CXCL13: variants seen among roughly 807,000 people sequenced by gnomAD.
CXCL13 encodes the protein C-X-C motif chemokine ligand 13, also known as C-X-C motif chemokine 13.
CXCL13 carries 7 observed loss-of-function variants against 12.2 expected under a neutral mutation model. The ratio of observed to expected loss-of-function variants is 0.57; its 90% CI spans 0.33 to 1.07. CXCL13 has a LOEUF of 1.07. Among genes scored for constraint, CXCL13 ranks in the 50% least tolerant of loss-of-function variants. CXCL13 has a pLI of 0.04. For missense variants in CXCL13, 113 were observed against 127.4 expected (o/e 0.89, Z 0.55); for synonymous variants, 47 against 42.4 (o/e 1.11, Z -0.42).
rs182931225 is a variant in CXCL13 at position 77,595,735 on chromosome 4, T to G, written c.-42-10089T>G. Among the ~76,000 whole-genome samples, 106 of 152,296 alleles carry G rather than the reference T, an allele frequency of 7.0e-4. 4 individuals are homozygous for G. The East Asian group carries it at 0.011, about 16-fold the overall frequency. On this transcript the variant is annotated intron_variant, in intron 1 of 4. Coordinates refer to the CXCL13 transcript ENST00000286758. ...GCGATTTTTTGCTCTAGCCTTCTTA[T>G]CAAAAGCATCACTGCTGTCCTGTGG... is the stretch of plus-strand genomic sequence containing the variant.
chr4:77,535,545 AG>A (rs1355978435), intron 1 of CXCL13, among the ~76,000 whole-genome samples: 1 of 152,230 alleles, frequency 6.6e-6, no homozygotes, highest in African/African-American at 2.4e-5. Flanking sequence ...CAGAGCTAAT[AG>A]CACATGTTGG....
intron 1 of CXCL13, among the ~76,000 whole-genome samples, chr4:77,606,134 T>C (rs1726998574): frequency 6.6e-6 from 1 of 152,230 alleles, no homozygotes. Context: ...TTTTTATTTA[T>C]AGCAAAAAGA....
At chr4:77,529,200 G>A (rs1362354378) in intron 1 of CXCL13, among the ~76,000 whole-genome samples, 6 of 152,026 alleles carry the variant, frequency 3.9e-5, no homozygotes, top group Non-Finnish European at 7.4e-5. Flanking sequence ...CATAGTTTGA[G>A]GTCAGGTAGC....
chr4:77,530,312 C>T (rs1026215335), intron 1 of CXCL13, among the ~76,000 whole-genome samples: 3 of 152,100 alleles, frequency 2.0e-5, no homozygotes, highest in African/African-American at 7.2e-5. Context: ...AGGAGGATTC[C>T]CTCTTTTTCT....
chr4:77,531,822 A>G (rs1242114331), intron 1 of CXCL13, among the ~76,000 whole-genome samples: 1 of 151,716 alleles, frequency 6.6e-6, no homozygotes, highest in Admixed American at 6.6e-5. Flanking sequence ...GTCTCTTTTG[A>G]TCTTTGTTGG....
At chr4:77,550,432 TGGGAGCTGTAGAC>T (rs942935097) in intron 1 of CXCL13, among the ~76,000 whole-genome samples, 3 of 152,164 alleles carry the variant, frequency 2.0e-5, no homozygotes, top group East Asian at 1.9e-4. Flanking sequence ...TCACTCCTGC[TGGGAGCTGTAGAC>T]GGGAGCTGTA....
chr4:77,611,751 C>A lies in CXCL13; in HGVS notation c.*712C>A, dbSNP rs754861421. 3.3e-5 allele frequency: 13 copies of A among 391,926 alleles called. No homozygotes were observed. The highest frequency in any genetic ancestry group is 1.8e-5 in the Non-Finnish European group (4 of 225,630). The allele number at this position is 391,926 out of a possible 1,614,324, so 24.3% of individuals were successfully genotyped here. ...CTGACTTTTTTTGTGGGGGGCGGGG[C>A]CGGGGGGACTCTGGTATCTAATTCT... On this transcript the variant is annotated 3_prime_UTR_variant, in exon 4 of 4. Transcript: ENST00000682537.
At chr4:77,552,749 A>G (rs1341872633) in intron 1 of CXCL13, among the ~76,000 whole-genome samples, 2 of 152,246 alleles carry the variant, frequency 1.3e-5, no homozygotes, top group South Asian at 2.1e-4. Context: ...AGTTCTCTGC[A>G]TGGGGATGGC....
intron 1 of CXCL13, among the ~76,000 whole-genome samples, chr4:77,558,661 C>G (rs910547988): frequency 1.3e-5 from 2 of 152,114 alleles, no homozygotes; most frequent in African/African-American, 2.4e-5. Flanking sequence ...CTGGAGTAAA[C>G]CACTTCTGTA....
At chr4:77,596,797 A>T (rs950655490) in intron 1 of CXCL13, among the ~76,000 whole-genome samples, 8 of 150,976 alleles carry the variant, frequency 5.3e-5, no homozygotes, top group Admixed American at 5.3e-4. Flanking sequence ...AAAAAAAAAA[A>T]AAAAAAGAAA....
At position 77,611,026 on chromosome 4, in the gene CXCL13, G is replaced by T. The variant is rs1727137116; in HGVS notation, c.317G>T (p.Arg106Ile). The T allele has an allele frequency of 1.2e-6, 2 of 1,611,122 alleles. No individual in the cohort carries two copies. The highest frequency in any genetic ancestry group is 1.3e-5 in the African/African-American group (1 of 75,042). The change falls in exon 4 of 4, where the codon AGA becomes ATA. Residue 106 changes from arginine to isoleucine, a missense_variant. Arg to Ile is a moderately conservative substitution (Grantham distance 97). Transcript: ENST00000682537. Reference sequence around the variant, plus strand: ...ACTCTACCAGTTCCAGTGTTTAAGAGAAAGATTCCCTGATGCTGATATTTC... The same window carrying T: ...ACTCTACCAGTTCCAGTGTTTAAGATAAAGATTCCCTGATGCTGATATTTC... The part of the protein sequence containing the change: ...SSTLPVPVFK[R>I]KIP
At chr4:77,544,229 T>C (rs1337884885) in intron 1 of CXCL13, among the ~76,000 whole-genome samples, 2 of 152,172 alleles carry the variant, frequency 1.3e-5, no homozygotes, top group Non-Finnish European at 2.9e-5. Context: ...GTCTTTATAG[T>C]AGCATGGTTT....
chr4:77,566,462 G>A (rs1316387875), intron 1 of CXCL13, among the ~76,000 whole-genome samples: 2 of 151,994 alleles, frequency 1.3e-5, no homozygotes, highest in Non-Finnish European at 2.9e-5. Context: ...CTGTTGCTAT[G>A]TTTTTATCTC....
chr4:77,575,319 T>A (rs1560530607), intron 1 of CXCL13, among the ~76,000 whole-genome samples: 1 of 151,946 alleles, frequency 6.6e-6, no homozygotes, highest in Non-Finnish European at 1.5e-5. Context: ...ATTATAATAC[T>A]TTAAGTTCTA....
At chr4:77,569,001 G>T (rs1045338820) in intron 1 of CXCL13, among the ~76,000 whole-genome samples, 24 of 152,190 alleles carry the variant, frequency 1.6e-4, no homozygotes, top group African/African-American at 5.6e-4. Context: ...AGAGATCCTT[G>T]TTAGACATGG....
intron 1 of CXCL13, among the ~76,000 whole-genome samples, chr4:77,512,749 A>G (rs1434395286): frequency 6.6e-6 from 1 of 152,126 alleles, no homozygotes; most frequent in African/African-American, 2.4e-5. Context: ...ACACAATTTA[A>G]CCCAGAACAT....
intron 1 of CXCL13, among the ~76,000 whole-genome samples, chr4:77,569,043 T>G (rs1407216903): frequency 2.0e-5 from 3 of 152,188 alleles, no homozygotes; most frequent in Non-Finnish European, 4.4e-5. Context: ...GACTTGTCAC[T>G]AAGGTGCCTT....
upstream of CXCL13, among the ~76,000 whole-genome samples, chr4:77,601,114 G>T (rs963008869): frequency 3.3e-5 from 5 of 152,060 alleles, no homozygotes; most frequent in African/African-American, 1.2e-4. Flanking sequence ...AATAGCTTTC[G>T]GTACACACGT....
chr4:77,589,852 A>G (rs1308119688), intron 1 of CXCL13, among the ~76,000 whole-genome samples: 1 of 152,228 alleles, frequency 6.6e-6, no homozygotes, highest in Non-Finnish European at 1.5e-5. Flanking sequence ...GAAATTAGGA[A>G]GAGGTTCATT....
Sources: gnomAD v4.1 joint callset for allele counts (sites outside exome capture counted in the v4.1 genomes callset) on GRCh38, gnomAD v4.1.1 for gene constraint, MANE v1.5 for transcripts, NCBI Gene and HGNC (gene_info 2026-07-23, HGNC 2026-07-21) for gene names.